The following RAB3C variants were observed in gnomAD, a reference collection of about 807,000 sequenced individuals.
The protein encoded by RAB3C is RAB3C, member RAS oncogene family.
In RAB3C, 17 loss-of-function variants were observed where a neutral mutation model predicts 26.4. The observed-to-expected ratio is 0.64, with a 90% CI of 0.44 to 0.97. RAB3C has a LOEUF of 0.97. RAB3C is among the 50% of genes least tolerant of loss of function. The pLI, the probability that RAB3C is intolerant of heterozygous loss-of-function variation, is 0.00. For missense variants in RAB3C, 242 were observed against 281.9 expected, an observed-to-expected ratio of 0.86 and a Z score of 1.01; for synonymous variants, 91 against 95.9, an observed-to-expected ratio of 0.95 and a Z score of 0.30.
rs577513739 is a variant in RAB3C, at chr5:58,770,406, C to T, written c.371+44286C>T. ...GCTTGATGCAAGCCTGAGTCCAGTT[C>T]GGGTTTTCCTTGAGATGGCCTACCT... On this transcript the variant is annotated intron_variant, in intron 3 of 4. Coordinates refer to ENST00000282878, the MANE Select transcript of RAB3C (RefSeq NM_138453.4). Among the ~76,000 whole-genome samples, 19 of 152,194 alleles carry T rather than the reference C, an allele frequency of 1.2e-4. 1 individual carries two copies. In the South Asian group the frequency reaches 3.3e-3, roughly 27 times the overall value.
intron 2 of RAB3C, among the ~76,000 whole-genome samples, chr5:58,622,576 T>C (rs764728190): frequency 2.0e-5 from 3 of 152,168 alleles, no homozygotes; most frequent in Non-Finnish European, 4.4e-5. Context: ...GTCTCAGTAT[T>C]TGGAGACCTA....
rs144992115 is a variant in RAB3C, at chr5:58,828,011, A to C, written c.496+2849A>C. On this transcript the variant is annotated intron_variant, in intron 4 of 4. Transcript: ENST00000282878. ...GAAATAACTGCTTTATCGATCTGGT[A>C]GCAATTAATTCTCCATTGTGGATTG... Among the ~76,000 whole-genome samples, 468 of 152,324 alleles carry C rather than the reference A, an allele frequency of 3.1e-3. 5 individuals carry two copies. The highest frequency in any genetic ancestry group is 0.011 in the African/African-American group (441 of 41,574).
chr5:58,832,963 T>G (rs1479079135), intron 4 of RAB3C, among the ~76,000 whole-genome samples: 2 of 152,176 alleles, frequency 1.3e-5, no homozygotes, highest in Non-Finnish European at 2.9e-5. Context: ...ATTAGGGTGT[T>G]TAAGATCAGC....
In RAB3C at chr5:58,850,611, C is replaced by G. The variant is rs112633876; in HGVS notation, c.497-553C>G. Among the ~76,000 whole-genome samples, 1,160 of 152,222 alleles carry G rather than the reference C, an allele frequency of 7.6e-3. 11 individuals are homozygous for G. The highest frequency in any genetic ancestry group is 0.012 in the Non-Finnish European group (850 of 68,016). ...GGATTATATTGGAGCTTGGTATTCC[C>G]TTTTACAGCAGAATATGCACACCAA... On this transcript the variant is annotated intron_variant, in intron 4 of 4. Transcript: ENST00000282878.
At chr5:58,775,287 T>A (rs1400364762) in intron 3 of RAB3C, among the ~76,000 whole-genome samples, 1 of 152,090 alleles carries the variant, frequency 6.6e-6, no homozygotes, top group South Asian at 2.1e-4. Context: ...AAGTACCAAA[T>A]GTCAAACCCA....
At chr5:58,752,448 G>A (rs565370396) in intron 3 of RAB3C, among the ~76,000 whole-genome samples, 8 of 150,454 alleles carry the variant, frequency 5.3e-5, no homozygotes, top group Middle Eastern at 3.4e-3. Flanking sequence ...ACTACAGTAC[G>A]GAAAGCTTAT....
chr5:58,853,267 G>C lies in RAB3C; in HGVS notation c.*1916G>C, dbSNP rs1001397720. 5.3e-5 allele frequency: 8 copies of C among 152,190 alleles called. No individual in the cohort carries two copies. The highest frequency in any genetic ancestry group is 1.2e-4 in the Non-Finnish European group (8 of 68,024). The allele number at this position is 152,190 out of a possible 1,614,324, so 9.4% of individuals were successfully genotyped here. ...ATTTGTTTGTAGCAGTAGTCTGTTT[G>C]TACAATGTTATAATATTTCTGTAAC... On this transcript the variant is annotated 3_prime_UTR_variant, in exon 5 of 5. Transcript: ENST00000282878.
chr5:58,771,773 C>A (rs1742034052), intron 3 of RAB3C, among the ~76,000 whole-genome samples: 2 of 151,360 alleles, frequency 1.3e-5, no homozygotes, highest in South Asian at 4.2e-4. Context: ...TTTTTCTTTA[C>A]AAAATAAAAT....
intron 2 of RAB3C, among the ~76,000 whole-genome samples, chr5:58,667,706 G>A (rs771524259): frequency 5.9e-5 from 9 of 151,992 alleles, no homozygotes; most frequent in Non-Finnish European, 1.3e-4. Context: ...CAGTGGCCCC[G>A]TGAGATATAT....
intron 2 of RAB3C, chr5:58,647,517 G>A (rs576920558): frequency 6.6e-6 from 1 of 152,088 alleles, no homozygotes; most frequent in African/African-American, 2.4e-5. Context: ...TGGGGATTAT[G>A]GGGATTACAA....
chr5:58,843,083 C>G (rs1364878603), intron 4 of RAB3C, among the ~76,000 whole-genome samples: 1 of 152,120 alleles, frequency 6.6e-6, no homozygotes, highest in Non-Finnish European at 1.5e-5. Flanking sequence ...GTAAAATGAG[C>G]CTTGTAAAGT....
intron 2 of RAB3C, among the ~76,000 whole-genome samples, chr5:58,707,687 T>C (rs1183299076): frequency 6.6e-6 from 1 of 152,146 alleles, no homozygotes; most frequent in Non-Finnish European, 1.5e-5. Flanking sequence ...TTGGAGAAGG[T>C]ACACATTCCC....
At chr5:58,790,929 G>C (rs1194890687) in intron 3 of RAB3C, among the ~76,000 whole-genome samples, 3 of 152,056 alleles carry the variant, frequency 2.0e-5, no homozygotes. Context: ...CGCTGGATCA[G>C]TTTCCCCCTT....
At chr5:58,767,667 G>C (rs1422228) in intron 3 of RAB3C, among the ~76,000 whole-genome samples, 3 of 152,028 alleles carry the variant, frequency 2.0e-5, no homozygotes, top group African/African-American at 7.2e-5. Flanking sequence ...TTCTGATATT[G>C]CTACTAGCAT....
chr5:58,649,755 A>G (rs1216911553), intron 2 of RAB3C, among the ~76,000 whole-genome samples: 1 of 152,058 alleles, frequency 6.6e-6, no homozygotes, highest in African/African-American at 2.4e-5. Flanking sequence ...TCCCCACCTC[A>G]TCGAAATCTG....
In RAB3C at chr5:58,660,428, A is replaced by C. The variant is rs547795003; in HGVS notation, c.252+42558A>C. On this transcript the variant is annotated intron_variant, in intron 2 of 4. Transcript: ENST00000282878. The stretch of plus-strand genomic sequence containing the variant: ...CCACCCCAAGCCATGCAGAAACAAC[A>C]TGAGAGGACGACGTAAATAGACTTG... 8.6e-4 allele frequency among the ~76,000 whole-genome samples: 129 copies of C among 150,376 alleles called. 3 individuals are homozygous for C. In the South Asian group the frequency reaches 0.026, roughly 30 times the overall value.
chr5:58,582,990 C>T (rs568269734), upstream of RAB3C: 8 of 1,310,826 alleles, frequency 6.1e-6, 1 homozygote, highest in South Asian at 8.6e-5. Flanking sequence ...TTGCCGGGAA[C>T]ACCCGGAGGG....
intron 2 of RAB3C, among the ~76,000 whole-genome samples, chr5:58,651,827 T>C (rs1288537216): frequency 6.6e-6 from 1 of 152,172 alleles, no homozygotes; most frequent in Non-Finnish European, 1.5e-5. Context: ...TGCTCGGGTC[T>C]CTTAGATAAA....
chr5:58,709,463 T>G (rs1749013473), intron 2 of RAB3C, among the ~76,000 whole-genome samples: 1 of 152,176 alleles, frequency 6.6e-6, no homozygotes, highest in East Asian at 1.9e-4. Context: ...TCTTAATCCT[T>G]GCAGCTAATG....
Sources: allele counts gnomAD v4.1 joint callset (sites outside exome capture counted in the v4.1 genomes callset), GRCh38; gene constraint gnomAD v4.1.1; transcripts MANE v1.5; gene names NCBI Gene and HGNC (gene_info 2026-07-23, HGNC 2026-07-21).